Variants in DLG2 observed in about 807,000 individuals in gnomAD.
DLG2 encodes discs large MAGUK scaffold protein 2, also known as disks large homolog 2.
In DLG2, 45 loss-of-function variants were observed where a neutral mutation model predicts 132.5. The ratio of observed to expected loss-of-function variants is 0.34; its 90% CI spans 0.27 to 0.44. DLG2 has a LOEUF of 0.44. DLG2 is among the 20% of genes least tolerant of loss of function. The probability of loss-of-function intolerance (pLI) is 1.00; values close to 1 mark genes in which losing one functional copy is unlikely to be tolerated. For missense variants in DLG2, 1,045 were observed against 1,196.9 expected (o/e 0.87, Z 1.87); for synonymous variants, 424 against 419.6 (o/e 1.01, Z -0.13).
chr11:85,093,840 T>G (rs558506720), intron 6 of DLG2, among the ~76,000 whole-genome samples: 7 of 152,322 alleles, frequency 4.6e-5, no homozygotes, highest in Non-Finnish European at 1.0e-4. Context: ...CACCCAGGTT[T>G]TGAGGTGTCC....
At chr11:84,538,887 G>C (rs1199807978) in intron 6 of DLG2, among the ~76,000 whole-genome samples, 2 of 152,058 alleles carry the variant, frequency 1.3e-5, no homozygotes, top group Admixed American at 1.3e-4. Flanking sequence ...AAGAACTGAT[G>C]AGAAAGTCAC....
At chr11:84,557,688 G>T (rs2099414710) in intron 6 of DLG2, among the ~76,000 whole-genome samples, 1 of 149,904 alleles carries the variant, frequency 6.7e-6, no homozygotes, top group Non-Finnish European at 1.5e-5. Flanking sequence ...AGAGATATTT[G>T]GGCTTTTTCT....
intron 8 of DLG2, among the ~76,000 whole-genome samples, chr11:84,185,456 T>G (rs2154285389): frequency 6.6e-6 from 1 of 152,334 alleles, no homozygotes; most frequent in South Asian, 2.1e-4. Context: ...GCTTATCAGC[T>G]TAAGGAGATT....
intron 7 of DLG2, among the ~76,000 whole-genome samples, chr11:84,279,460 A>G (rs2097827368): frequency 6.6e-6 from 1 of 152,240 alleles, no homozygotes; most frequent in African/African-American, 2.4e-5. Context: ...ATTACTCGGT[A>G]TATACCCAAA....
intron 6 of DLG2, among the ~76,000 whole-genome samples, chr11:84,572,619 G>C (rs1437521393): frequency 6.6e-6 from 1 of 152,084 alleles, no homozygotes; most frequent in Non-Finnish European, 1.5e-5. Flanking sequence ...AAATTCACTA[G>C]GGGCCCTAAA....
chr11:85,359,615 CA>C (rs1249595951), intron 3 of DLG2, among the ~76,000 whole-genome samples: 2 of 152,114 alleles, frequency 1.3e-5, no homozygotes, highest in African/African-American at 4.8e-5. Flanking sequence ...GTGATATGCA[CA>C]ACAAATAATT....
At chr11:84,142,822 G>A (rs902391525) in intron 9 of DLG2, among the ~76,000 whole-genome samples, 1 of 152,102 alleles carries the variant, frequency 6.6e-6, no homozygotes, top group African/African-American at 2.4e-5. Flanking sequence ...TTTGGCATCA[G>A]ACTGAATTAA....
intron 6 of DLG2, among the ~76,000 whole-genome samples, chr11:84,731,011 C>T (rs914463505): frequency 2.0e-5 from 3 of 151,952 alleles, no homozygotes; most frequent in South Asian, 2.1e-4. Context: ...GTACAGCCCA[C>T]CTAGATTCTT....
In DLG2 at chr11:83,828,874, G is replaced by A. The variant is rs551964570; in HGVS notation, c.1722+4740C>T. Among the ~76,000 whole-genome samples, 33 of 152,046 alleles carry A rather than the reference G, an allele frequency of 2.2e-4. No individual in the cohort carries two copies. In the South Asian group the frequency reaches 5.0e-3, roughly 23 times the overall value. On this transcript the variant is annotated intron_variant, in intron 17 of 27. Transcript: ENST00000376104. ...TCAGTGTGTGTGTATATATATATAT[G>A]TGTATGTATATGTGTTTATATACAT...
At chr11:84,820,757 C>A (rs898145533) in intron 6 of DLG2, among the ~76,000 whole-genome samples, 1 of 151,380 alleles carries the variant, frequency 6.6e-6, no homozygotes, top group African/African-American at 2.4e-5. Context: ...CCGAGCCCCA[C>A]TCTTCTGTAA....
intron 3 of DLG2, among the ~76,000 whole-genome samples, chr11:85,583,035 C>A (rs1170940208): frequency 2.9e-5 from 3 of 104,500 alleles, no homozygotes; most frequent in African/African-American, 3.8e-5. Flanking sequence ...GAATCAAGAA[C>A]TAGAAACCAG....
At chr11:85,505,431 G>A (rs113142275) in intron 3 of DLG2, among the ~76,000 whole-genome samples, 5,419 of 152,190 alleles carry the variant, frequency 0.036, 142 homozygotes, top group Middle Eastern at 0.075. Context: ...TTAGCATGAA[G>A]GGCTGTTGAA....
At chr11:84,743,482 C>CT (rs1266232975) in intron 6 of DLG2, among the ~76,000 whole-genome samples, 2 of 152,070 alleles carry the variant, frequency 1.3e-5, no homozygotes, top group Non-Finnish European at 2.9e-5. Flanking sequence ...TTCTATGACA[C>CT]TTCAGATATT....
intron 9 of DLG2, among the ~76,000 whole-genome samples, chr11:84,136,156 C>T (rs1250768755): frequency 1.3e-5 from 2 of 151,994 alleles, no homozygotes; most frequent in Non-Finnish European, 2.9e-5. Flanking sequence ...TCATACAAAC[C>T]CTAAATATTG....
chr11:83,524,071 G>C (rs571038879), intron 21 of DLG2, among the ~76,000 whole-genome samples: 1 of 152,304 alleles, frequency 6.6e-6, no homozygotes, highest in African/African-American at 2.4e-5. Flanking sequence ...ATAAGGGTGA[G>C]AGTTTAAGAG....
At chr11:85,156,957 C>A (rs2077631831) in intron 4 of DLG2, among the ~76,000 whole-genome samples, 1 of 152,136 alleles carries the variant, frequency 6.6e-6, no homozygotes, top group Non-Finnish European at 1.5e-5. Flanking sequence ...CTGAATATGT[C>A]TGTGAGGTTG....
intron 7 of DLG2, among the ~76,000 whole-genome samples, chr11:84,305,327 A>G (rs1173004252): frequency 6.6e-6 from 1 of 152,214 alleles, no homozygotes; most frequent in Non-Finnish European, 1.5e-5. Flanking sequence ...CAGATACCAT[A>G]TTTTACAAAG....
intron 7 of DLG2, among the ~76,000 whole-genome samples, chr11:84,413,856 A>G (rs910563702): frequency 3.9e-5 from 6 of 152,182 alleles, no homozygotes; most frequent in African/African-American, 1.2e-4. Flanking sequence ...ATAATTATCA[A>G]TTCAGACATT....
chr11:83,485,216 C>T (rs533620730), intron 21 of DLG2, among the ~76,000 whole-genome samples: 4 of 152,210 alleles, frequency 2.6e-5, no homozygotes, highest in South Asian at 2.1e-4. Flanking sequence ...ATACATAATA[C>T]GATACAGGCA....
Sources: allele counts gnomAD v4.1 joint callset (sites outside exome capture counted in the v4.1 genomes callset), GRCh38; gene constraint gnomAD v4.1.1; transcripts MANE v1.5; gene names NCBI Gene and HGNC (gene_info 2026-07-23, HGNC 2026-07-21).